Variants in RALYL observed in about 807,000 individuals in gnomAD.
RALYL encodes RALY RNA binding protein like.
A neutral mutation model predicts 35.1 loss-of-function variants in RALYL; 29 were observed. The ratio of observed to expected loss-of-function variants is 0.83; its 90% CI spans 0.61 to 1.13. The LOEUF is 1.13. Ranked by LOEUF, RALYL falls within the 50% of genes most tolerant of loss-of-function variation. The probability of loss-of-function intolerance (pLI) is 0.00; values close to 1 mark genes in which losing one functional copy is unlikely to be tolerated. For missense variants in RALYL, 359 were observed against 360.4 expected, an observed-to-expected ratio of 1.00 and a Z score of 0.03; for synonymous variants, 120 against 127.6, an observed-to-expected ratio of 0.94 and a Z score of 0.40.
intron 1 of RALYL, among the ~76,000 whole-genome samples, chr8:84,230,264 C>T (rs566498108): frequency 8.6e-5 from 13 of 151,802 alleles, no homozygotes; most frequent in African/African-American, 3.1e-4. Flanking sequence ...TATTTCATTC[C>T]ATAAGTTAAA....
At chr8:84,627,392 T>C (rs896909404) in intron 2 of RALYL, among the ~76,000 whole-genome samples, 4 of 148,382 alleles carry the variant, frequency 2.7e-5, no homozygotes, top group Admixed American at 1.4e-4. Context: ...ATGGAAATAC[T>C]GTCATTCTTA....
chr8:84,775,786 T>C (rs1816699651), intron 3 of RALYL, among the ~76,000 whole-genome samples: 1 of 152,222 alleles, frequency 6.6e-6, no homozygotes, highest in Admixed American at 6.5e-5. Flanking sequence ...TTATATAACT[T>C]TCAGTTCTTT....
At chr8:84,521,624 T>C (rs551775571) in intron 1 of RALYL, among the ~76,000 whole-genome samples, 38 of 152,342 alleles carry the variant, frequency 2.5e-4, no homozygotes, top group African/African-American at 8.9e-4. Context: ...TTACCACTTA[T>C]TATTACTCTT....
chr8:84,747,294 G>A (rs1808828256), intron 2 of RALYL, among the ~76,000 whole-genome samples: 1 of 151,682 alleles, frequency 6.6e-6, no homozygotes, highest in Non-Finnish European at 1.5e-5. Context: ...TGTGTGTGGA[G>A]AAAATGAATA....
chr8:84,356,073 T>A (rs1851778998), intron 1 of RALYL, among the ~76,000 whole-genome samples: 1 of 150,040 alleles, frequency 6.7e-6, no homozygotes, highest in African/African-American at 2.5e-5. Flanking sequence ...TGCCACCTTG[T>A]GAAGAAGGTG....
intron 1 of RALYL, among the ~76,000 whole-genome samples, chr8:84,322,439 TG>T (rs922189160): frequency 6.6e-6 from 1 of 152,118 alleles, no homozygotes; most frequent in Non-Finnish European, 1.5e-5. Flanking sequence ...TGTATATAGG[TG>T]GGTTCTGTTC....
intron 2 of RALYL, among the ~76,000 whole-genome samples, chr8:84,584,394 A>G (rs1040987630): frequency 1.6e-4 from 25 of 152,000 alleles, no homozygotes; most frequent in African/African-American, 5.8e-4. Flanking sequence ...CACGTGGTCA[A>G]GAGATAGAGA....
chr8:84,368,233 TTCTC>T (rs375891238), intron 1 of RALYL, among the ~76,000 whole-genome samples: 46 of 152,296 alleles, frequency 3.0e-4, no homozygotes, highest in African/African-American at 1.1e-3. Flanking sequence ...CTCTCCCTCT[TTCTC>T]AAAGAGAAAG....
intron 4 of RALYL, among the ~76,000 whole-genome samples, chr8:84,824,954 G>A (rs888855820): frequency 4.6e-5 from 7 of 152,214 alleles, no homozygotes; most frequent in Admixed American, 2.6e-4. Flanking sequence ...AAGAATTCAT[G>A]GCTAAGTTCT....
At position 84,618,130 on chromosome 8, in the gene RALYL, C is replaced by T. The variant is rs551548110; in HGVS notation, c.256+88553C>T. On this transcript the variant is annotated intron_variant, in intron 2 of 8. Coordinates refer to ENST00000521268, the MANE Select transcript of RALYL (RefSeq NM_173848.7). ...CATAAAATGAGTTAGGGAGGATTCC[C>T]TCTTTTTCTATTGATTGGAATAGTT... 1.2e-3 allele frequency among the ~76,000 whole-genome samples: 182 copies of T among 151,258 alleles called. 5 individuals are homozygous for T. Among genetic ancestry groups the T allele is most frequent in the African/African-American group, 4.1e-3 (169 of 40,924 alleles).
rs74931783 is a variant in RALYL at position 84,700,416 on chromosome 8, T to C, written c.257-74163T>C. Reference sequence around the variant, plus strand: ...ATAAAGGCTTAATAATAAAACCCAATTATAGTTTAAAAAAAATGAAAGTCT... The same window carrying C: ...ATAAAGGCTTAATAATAAAACCCAACTATAGTTTAAAAAAAATGAAAGTCT... On this transcript the variant is annotated intron_variant, in intron 2 of 8. Transcript: ENST00000521268. Among the ~76,000 whole-genome samples, 1,351 of 152,084 alleles carry C rather than the reference T, an allele frequency of 8.9e-3. 5 individuals carry two copies. The highest frequency in any genetic ancestry group is 0.015 in the Non-Finnish European group (986 of 67,974).
At chr8:84,374,322 G>A (rs1054470246) in intron 1 of RALYL, among the ~76,000 whole-genome samples, 21 of 151,926 alleles carry the variant, frequency 1.4e-4, no homozygotes, top group African/African-American at 4.6e-4. Flanking sequence ...TTCCCCATTT[G>A]GTATGATATT....
chr8:84,598,805 T>C (rs1444221781), intron 2 of RALYL, among the ~76,000 whole-genome samples: 1 of 152,164 alleles, frequency 6.6e-6, no homozygotes, highest in Non-Finnish European at 1.5e-5. Context: ...GGTATCTCTT[T>C]AACATTTTGA....
chr8:84,839,362 C>T (rs897250648), intron 4 of RALYL, among the ~76,000 whole-genome samples: 4 of 152,204 alleles, frequency 2.6e-5, no homozygotes, highest in Admixed American at 1.3e-4. Context: ...CATGGAGCCT[C>T]GCTCATTGCT....
At chr8:84,866,671 T>G (rs540052546) in intron 6 of RALYL, among the ~76,000 whole-genome samples, 1 of 152,246 alleles carries the variant, frequency 6.6e-6, no homozygotes, top group Admixed American at 6.5e-5. Context: ...GTAGAGCTCT[T>G]AGAACAGTGT....
intron 1 of RALYL, among the ~76,000 whole-genome samples, chr8:84,208,569 G>T (rs1356468299): frequency 4.6e-5 from 7 of 152,058 alleles, no homozygotes; most frequent in Admixed American, 6.6e-5. Context: ...AACTTGGAAG[G>T]GCCTGGGAGC....
Position 84,850,905 on chromosome 8 carries a change from C to T in RALYL, c.413+878C>T, listed in dbSNP as rs908099136. Among the ~76,000 whole-genome samples the T allele has an allele frequency of 2.0e-5, 3 of 152,226 alleles. No individual in the cohort carries two copies. The East Asian group carries it at 5.8e-4, about 29-fold the overall frequency. On this transcript the variant is annotated intron_variant, in intron 5 of 8. Transcript: ENST00000521268. Reference sequence around the variant, plus strand: ...CCCTCCATAGCGTTATACGTTTCATCACATCACATCCACTTTCCTCACTTA... The same window carrying T: ...CCCTCCATAGCGTTATACGTTTCATTACATCACATCCACTTTCCTCACTTA...
At chr8:84,462,338 G>A (rs1159423679) in intron 1 of RALYL, among the ~76,000 whole-genome samples, 1 of 151,186 alleles carries the variant, frequency 6.6e-6, no homozygotes, top group Non-Finnish European at 1.5e-5. Flanking sequence ...TTGGACACCA[G>A]TCTCTTTTCG....
chr8:84,407,028 A>C (rs559078242), intron 1 of RALYL, among the ~76,000 whole-genome samples: 318 of 147,368 alleles, frequency 2.2e-3, no homozygotes, highest in African/African-American at 4.9e-3. Context: ...CTATATATAT[A>C]TATATATACA....
Sources: allele counts gnomAD v4.1 joint callset (sites outside exome capture counted in the v4.1 genomes callset), GRCh38; gene constraint gnomAD v4.1.1; transcripts MANE v1.5; gene names NCBI Gene and HGNC (gene_info 2026-07-23, HGNC 2026-07-21).